The following ALPK1 variants were observed in gnomAD, a reference collection of about 807,000 sequenced individuals.
ALPK1 encodes the protein alpha kinase 1.
ALPK1 carries 110 observed loss-of-function variants against 120.6 expected under a neutral mutation model. The observed-to-expected ratio is 0.91, with a 90% CI of 0.78 to 1.07. ALPK1 has a LOEUF of 1.07. Ranked by LOEUF, ALPK1 falls within the 50% of genes least tolerant of loss-of-function variation. The pLI is 0.00. For synonymous variants in ALPK1, 582 were observed against 560.3 expected (o/e 1.04, Z -0.55); for missense variants, 1,498 against 1,483.9 (o/e 1.01, Z -0.16).
intron 2 of ALPK1, among the ~76,000 whole-genome samples, chr4:112,335,632 A>G (rs575045768): frequency 1.3e-5 from 2 of 152,336 alleles, no homozygotes; most frequent in Admixed American, 1.3e-4. Context: ...GATATAATAT[A>G]TTCAAGCCAC....
intron 3 of ALPK1, among the ~76,000 whole-genome samples, chr4:112,379,394 G>C (rs1200309793): frequency 6.6e-6 from 1 of 152,234 alleles, no homozygotes; most frequent in East Asian, 1.9e-4. Flanking sequence ...GGGGCTGACT[G>C]CCCGGCGTTG....
chr4:112,324,167 A>C (rs1328217590), intron 2 of ALPK1, among the ~76,000 whole-genome samples: 2 of 152,116 alleles, frequency 1.3e-5, no homozygotes, highest in Non-Finnish European at 2.9e-5. Flanking sequence ...CTCTACTAAA[A>C]ATACAAAAAA....
chr4:112,301,366 C>G (rs925083599), intron 1 of ALPK1, among the ~76,000 whole-genome samples: 4 of 152,186 alleles, frequency 2.6e-5, no homozygotes, highest in African/African-American at 9.7e-5. Context: ...CTACCCTCTT[C>G]CTTGGGACAT....
chr4:112,326,365 C>T (rs191457182), intron 2 of ALPK1, among the ~76,000 whole-genome samples: 4 of 152,188 alleles, frequency 2.6e-5, no homozygotes, highest in African/African-American at 7.2e-5. Context: ...TCATGCAAAG[C>T]CATCATAAAT....
rs1731376206 is a variant in ALPK1 at position 112,370,862 on chromosome 4, T to C, written c.-100-6816T>C. On this transcript the variant is annotated intron_variant, in intron 2 of 15. Coordinates refer to ENST00000650871, the MANE Select transcript of ALPK1 (RefSeq NM_025144.4). Reference sequence around the variant, plus strand: ...TACCTTGGAAATCTCTTCTTCTTTTTAGAAATGTTGTCTTGGCTAAAATAT... The same window carrying C: ...TACCTTGGAAATCTCTTCTTCTTTTCAGAAATGTTGTCTTGGCTAAAATAT... 1.3e-5 allele frequency among the ~76,000 whole-genome samples: 2 copies of C among 152,234 alleles called. 1 individual carries two copies. Among genetic ancestry groups the C allele is most frequent in the South Asian group, 4.1e-4 (2 of 4,836 alleles).
intron 2 of ALPK1, among the ~76,000 whole-genome samples, chr4:112,347,293 A>G (rs990064728): frequency 1.2e-4 from 18 of 152,254 alleles, no homozygotes; most frequent in African/African-American, 4.3e-4. Flanking sequence ...TTAAAAGCTT[A>G]TGTCTAACTT....
intron 2 of ALPK1, chr4:112,359,557 C>T: frequency 4.1e-6 from 1 of 246,032 alleles, no homozygotes; most frequent in East Asian, 9.7e-5. Flanking sequence ...GCCACGCCTC[C>T]TATGCTCACC....
chr4:112,397,875 ATCTT>A (rs1316794174), intron 4 of ALPK1, among the ~76,000 whole-genome samples: 4 of 152,144 alleles, frequency 2.6e-5, no homozygotes, highest in African/African-American at 9.7e-5. Context: ...GATTTAGTGA[ATCTT>A]TATTTAGATC....
At chr4:112,356,029 T>TA (rs1352225049) in intron 2 of ALPK1, 4 of 712,504 alleles carry the variant, frequency 5.6e-6, no homozygotes, top group African/African-American at 5.2e-5. Flanking sequence ...TCGCATCACT[T>TA]ACCAAGAGCG....
At chr4:112,408,285 G>A (rs1733287224) in intron 4 of ALPK1, among the ~76,000 whole-genome samples, 1 of 152,102 alleles carries the variant, frequency 6.6e-6, no homozygotes, top group Admixed American at 6.5e-5. Context: ...GGCTGTCAGT[G>A]GCAGAAACTT....
rs2148768236 is a variant in ALPK1, at chr4:112,439,701, A to G, written c.3367A>G (p.Thr1123Ala). 1 of 1,604,172 alleles carries G rather than the reference A, an allele frequency of 6.2e-7. No individual in the cohort carries two copies. Among genetic ancestry groups the G allele is most frequent in the Non-Finnish European group, 8.5e-7 (1 of 1,176,204 alleles). ...TATTTTTCAGATTTTAGAGGACAAG[A>G]CAATAAAGGGATGTATCAGTGTGGA... ...STILLILEDKTIKGCISVEPY... is the reference protein window; with the variant it reads ...STILLILEDKAIKGCISVEPY... Residue 1123 changes from threonine (T) to alanine (A), a missense_variant, in exon 14 of 16, where the codon ACA (threonine) becomes GCA (alanine). Thr to Ala is a moderately conservative substitution (Grantham distance 58). Coordinates refer to ENST00000650871, the MANE Select transcript of ALPK1 (RefSeq NM_025144.4).
chr4:112,311,480 C>A (rs1271780633), intron 1 of ALPK1, among the ~76,000 whole-genome samples: 1 of 152,178 alleles, frequency 6.6e-6, no homozygotes, highest in African/African-American at 2.4e-5. Flanking sequence ...AGGCTGTTAG[C>A]ATGACTCCAT....
intron 2 of ALPK1, among the ~76,000 whole-genome samples, chr4:112,341,123 G>A (rs1407166022): frequency 6.6e-6 from 1 of 152,154 alleles, no homozygotes; most frequent in African/African-American, 2.4e-5. Context: ...GTGTCTGTGT[G>A]CGTGTGTGTT....
chr4:112,406,868 T>C (rs1441636649), intron 4 of ALPK1, among the ~76,000 whole-genome samples: 7 of 152,216 alleles, frequency 4.6e-5, no homozygotes, highest in Non-Finnish European at 8.8e-5. Context: ...ACCTAGTCTA[T>C]TATCATTAGT....
intron 3 of ALPK1, among the ~76,000 whole-genome samples, chr4:112,378,458 A>G (rs1301579234): frequency 6.6e-6 from 1 of 152,116 alleles, no homozygotes; most frequent in Middle Eastern, 3.2e-3. Context: ...CTTTTTGCTC[A>G]TTTTGTTCTT....
intron 2 of ALPK1, among the ~76,000 whole-genome samples, chr4:112,351,507 T>A (rs906417667): frequency 2.6e-5 from 4 of 151,814 alleles, no homozygotes; most frequent in African/African-American, 9.7e-5. Context: ...AGAGTCTTGC[T>A]CTGTCACCCA....
chr4:112,435,546 A>G (rs888318249), intron 12 of ALPK1, among the ~76,000 whole-genome samples: 3 of 152,236 alleles, frequency 2.0e-5, no homozygotes, highest in Admixed American at 6.5e-5. Flanking sequence ...TCAGGGAAAC[A>G]TTGGCCATAC....
intron 1 of ALPK1, among the ~76,000 whole-genome samples, chr4:112,313,580 G>A (rs934197277): frequency 1.4e-4 from 21 of 152,104 alleles, no homozygotes; most frequent in Middle Eastern, 3.2e-3. Flanking sequence ...AAAATTAGTC[G>A]GATATGGTGG....
intron 6 of ALPK1, among the ~76,000 whole-genome samples, chr4:112,424,277 T>C (rs1371031780): frequency 6.6e-6 from 1 of 151,966 alleles, no homozygotes; most frequent in Non-Finnish European, 1.5e-5. Flanking sequence ...GAACAATCAC[T>C]GTCAAGGCAG....
Sources: gnomAD v4.1 joint callset for allele counts (sites outside exome capture counted in the v4.1 genomes callset) on GRCh38, gnomAD v4.1.1 for gene constraint, MANE v1.5 for transcripts, NCBI Gene and HGNC (gene_info 2026-07-23, HGNC 2026-07-21) for gene names.